Variants in POLE observed in about 807,000 individuals in gnomAD.
POLE encodes DNA polymerase epsilon, catalytic subunit, also known as DNA polymerase epsilon catalytic subunit A.
Under a neutral mutation model 279.2 loss-of-function variants are expected in POLE, and 188 were observed. The observed-to-expected ratio is 0.67, with a 90% CI of 0.60 to 0.76. The LOEUF (loss-of-function observed/expected upper bound fraction) is 0.76, where lower values mean the gene tolerates loss of function less well. Among genes scored for constraint, POLE ranks in the 30% least tolerant of loss-of-function variants. POLE has a pLI of 0.00. For missense variants in POLE, 2,703 were observed against 3,016.7 expected (o/e 0.90, Z 2.44); for synonymous variants, 1,214 against 1,172.5 (o/e 1.04, Z -0.72).
intron 29 of POLE, among the ~76,000 whole-genome samples, chr12:132,653,140 G>T (rs192176849): frequency 8.0e-4 from 122 of 152,302 alleles, no homozygotes; most frequent in East Asian, 2.5e-3. Flanking sequence ...AGTGCTTTGG[G>T]GGGGGCCCAG....
At chr12:132,648,743 G>A (rs2042344258) in intron 32 of POLE, 186 bp downstream of exon 32, 4 of 600,104 alleles carry the variant, frequency 6.7e-6, no homozygotes, top group Non-Finnish European at 1.1e-5. Context: ...GACACCAGCA[G>A]CTCCATTCCC....
Position 132,632,501 on chromosome 12 carries a change from G to T in POLE, c.6144C>A (p.Ile2048=), listed in dbSNP as rs761134391. The T allele has an allele frequency of 3.7e-6, 6 of 1,613,918 alleles. No homozygotes were observed. Among genetic ancestry groups the T allele is most frequent in the Non-Finnish European group, 5.1e-6 (6 of 1,179,818 alleles). ...TTGCGACATAATCCTGAGAGAAGGT[G>T]ATCATTCCTGGAAGTATAAGGATGC... ...EGAVGALPGM[I]TFSQDYVANE... Residue 2048 remains isoleucine (I), a synonymous_variant, in exon 45 of 49, where the codon ATC becomes ATA. Transcript: ENST00000320574.
chr12:132,669,238 G>C (rs754581718), intron 16 of POLE, among the ~76,000 whole-genome samples: 1 of 152,122 alleles, frequency 6.6e-6, no homozygotes, highest in Non-Finnish European at 1.5e-5. Context: ...ACCGAGGCCA[G>C]AGGATCACTT....
At chr12:132,665,207 G>T in intron 21 of POLE, 95 bp downstream of exon 21, 1 of 1,258,056 alleles carries the variant, frequency 7.9e-7, no homozygotes, top group Non-Finnish European at 1.1e-6. Context: ...TCAGATGAAC[G>T]GCCCTCCATG....
At chr12:132,676,699 T>A in intron 8 of POLE, 46 bp from the exon 9 acceptor site, 1 of 1,219,716 alleles carries the variant, frequency 8.2e-7, no homozygotes, top group Non-Finnish European at 1.2e-6. Flanking sequence ...AACTCCCCAT[T>A]AGGCCTCCCT....
rs1555301127 is a variant in POLE at position 132,625,789 on chromosome 12, C to CGA, written c.6532-21_6532-20dup. ...CCCCATCCTAGGCAGAGCAAGAGTG[C>CGA]GAGAGGTCACCAGCCCAGCCTCCAG... On this transcript the variant is annotated intron_variant, in intron 46 of 48. Coordinates refer to ENST00000320574, the MANE Select transcript of POLE (RefSeq NM_006231.4). 6.2e-7 allele frequency: 1 copy of CGA among 1,604,944 alleles called. No individual in the cohort carries two copies. The highest frequency in any genetic ancestry group is 8.5e-7 in the Non-Finnish European group (1 of 1,178,528).
Position 132,665,289 on chromosome 12 carries a change from C to A in POLE, c.2468+13G>T, listed in dbSNP as rs773637880. 6.2e-7 allele frequency: 1 copy of A among 1,610,666 alleles called. No homozygotes were observed. The highest frequency in any genetic ancestry group is 8.5e-7 in the Non-Finnish European group (1 of 1,177,420). The stretch of plus-strand genomic sequence containing the variant: ...TCCTCCCATAAGCCTCTCCCGGGCC[C>A]GGGCCCACCTACCCCTTGCGCATGA... On this transcript the variant is annotated intron_variant, in intron 21 of 48. Coordinates refer to ENST00000320574, the MANE Select transcript of POLE (RefSeq NM_006231.4).
In POLE at chr12:132,632,783, G is replaced by A. The variant is rs746545942; in HGVS notation, c.6017C>T (p.Ala2006Val). ...FLMIVSAYIV[A>V]VYHCMKDGLR... is the part of the protein sequence containing the mutation. ...CCCGTCCTTCATGCAGTGGTACACG[G>A]CCACGATGTACGCTGTGGAGAGGCA... The change falls in exon 44 of 49, where the codon GCC becomes GTC. Residue 2006 changes from alanine to valine, a missense_variant. Physicochemically the swap from Ala to Val is moderately conservative, Grantham distance 64. Transcript: ENST00000320574. 1.8e-5 allele frequency: 29 copies of A among 1,608,660 alleles called. No individual in the cohort carries two copies. The South Asian group carries it at 2.7e-4, about 15-fold the overall frequency.
intron 42 of POLE, among the ~76,000 whole-genome samples, chr12:132,635,043 A>C (rs562434810): frequency 6.6e-6 from 1 of 152,198 alleles, no homozygotes; most frequent in Admixed American, 6.5e-5. Flanking sequence ...CTGACATCTG[A>C]GCCCCTGGCT....
At chr12:132,685,618 G>C (rs1327565143) in intron 1 of POLE, among the ~76,000 whole-genome samples, 1 of 152,238 alleles carries the variant, frequency 6.6e-6, no homozygotes, top group Non-Finnish European at 1.5e-5. Context: ...CACTGAGCTT[G>C]GGGCAGGGCA....
chr12:132,677,046 C>G lies in POLE; in HGVS notation c.801+317G>C, dbSNP rs145170647. On this transcript the variant is annotated intron_variant, in intron 8 of 48. Transcript: ENST00000320574. Reference sequence around the variant, plus strand: ...CAACACCACAAAGTCATGTTTGAACCAAGGCCTTCTAGTTACAAATCCATT... The same window carrying G: ...CAACACCACAAAGTCATGTTTGAACGAAGGCCTTCTAGTTACAAATCCATT... Among the ~76,000 whole-genome samples the G allele has an allele frequency of 1.6e-3, 241 of 152,276 alleles. 2 individuals are homozygous for G. Among genetic ancestry groups the G allele is most frequent in the Middle Eastern group, 0.014 (4 of 294 alleles).
rs142196181 is a variant in POLE, at chr12:132,665,381, T to A, written c.2389A>T (p.Met797Leu). The A allele has an allele frequency of 4.3e-6, 7 of 1,613,836 alleles. No individual in the cohort carries two copies. Among genetic ancestry groups the A allele is most frequent in the Non-Finnish European group, 5.9e-6 (7 of 1,180,030 alleles). ...DAAEVKRCKNMEVLYDSLQLA... is the reference protein window; with the variant it reads ...DAAEVKRCKNLEVLYDSLQLA... ...TGCAGCGAGTCATACAGCACCTCCA[T>A]GTTCTTGCAGCGCTTCACCTCAGCC... is the stretch of plus-strand genomic sequence containing the variant. Residue 797 changes from methionine to leucine, a missense_variant, in exon 21 of 49, where the codon ATG becomes TTG. Met to Leu is a conservative substitution (Grantham distance 15). Coordinates refer to ENST00000320574, the MANE Select transcript of POLE (RefSeq NM_006231.4).
intron 1 of POLE, among the ~76,000 whole-genome samples, chr12:132,683,266 G>T (rs1194240926): frequency 1.3e-5 from 2 of 152,126 alleles, no homozygotes; most frequent in Non-Finnish European, 2.9e-5. Flanking sequence ...GTAATCACAA[G>T]AATCCTTGTA....
Position 132,675,645 on chromosome 12 carries a change from C to G in POLE, c.1106+90G>C. 6.4e-7 allele frequency: 1 copy of G among 1,571,708 alleles called. No individual in the cohort carries two copies. The highest frequency in any genetic ancestry group is 8.7e-7 in the Non-Finnish European group (1 of 1,144,724). On this transcript the variant is annotated intron_variant, in intron 11 of 48. Coordinates refer to ENST00000320574, the MANE Select transcript of POLE (RefSeq NM_006231.4). This position sits in a 1 kb window ranked among gnomAD's most constrained non-coding sequence, Gnocchi z 4.3. ...TGCAGAGTGAACCCAGGAGCCACCT[C>G]CTAAGTCGACATGGGAAGCGCCCCT...
intron 41 of POLE, among the ~76,000 whole-genome samples, chr12:132,636,830 TCA>T (rs545783390): frequency 7.9e-4 from 120 of 152,300 alleles, no homozygotes; most frequent in African/African-American, 2.6e-3. Flanking sequence ...ACATCCTAAA[TCA>T]CAGTTTCAAA....
At chr12:132,631,143 A>G (rs1338138670) in intron 45 of POLE, among the ~76,000 whole-genome samples, 1 of 152,232 alleles carries the variant, frequency 6.6e-6, no homozygotes, top group Non-Finnish European at 1.5e-5. Flanking sequence ...TCTGATACAC[A>G]CGAGCGCGTG....
chr12:132,643,285 T>C lies in POLE; in HGVS notation c.4490A>G (p.Lys1497Arg), dbSNP rs557957962. ...GGGGATGAAGATCCCGAAGAGCGCT[T>C]TGTGGGCCTGTGCGTGGTGGTACAG... The part of the protein sequence containing the change: ...IYLYHHAQAH[K>R]ALFGIFIPSQ... The change falls in exon 35 of 49, where the codon AAA becomes AGA. Residue 1497 changes from lysine (K) to arginine (R), a missense_variant. Physicochemically the swap from Lys to Arg is conservative, Grantham distance 26. This residue lies in a region of POLE where 1,551 missense variants were observed against 1,686.1 expected (regional missense o/e 0.92). Coordinates refer to ENST00000320574, the MANE Select transcript of POLE (RefSeq NM_006231.4). 1.2e-5 allele frequency: 20 copies of C among 1,613,938 alleles called. No individual in the cohort carries two copies. The East Asian group carries it at 4.2e-4, about 34-fold the overall frequency.
Position 132,649,405 on chromosome 12 carries a change from G to C in POLE, c.3906C>G (p.Leu1302=), listed in dbSNP as rs760222689. The change falls in exon 31 of 49, where the codon CTC becomes CTG. Residue 1302 remains leucine, a synonymous_variant. Coordinates refer to ENST00000320574, the MANE Select transcript of POLE (RefSeq NM_006231.4). ...GACCATCCCGGATGGCCCCGGGCCTGAGCACACCCTCTGCCGACTCCAGAC... is the reference window on the plus strand; with the variant it reads ...GACCATCCCGGATGGCCCCGGGCCTCAGCACACCCTCTGCCGACTCCAGAC... ...RQRLESAEGV[L]RPGAIRDGPA... 4 of 1,613,256 alleles carry C rather than the reference G, an allele frequency of 2.5e-6. No homozygotes were observed. Among genetic ancestry groups the C allele is most frequent in the Non-Finnish European group, 3.4e-6 (4 of 1,180,034 alleles).
chr12:132,665,469 T>C lies in POLE; in HGVS notation c.2320-19A>G, dbSNP rs771830251. 5.0e-6 allele frequency: 8 copies of C among 1,596,232 alleles called. No homozygotes were observed. Among genetic ancestry groups the C allele is most frequent in the South Asian group, 3.3e-5 (3 of 90,800 alleles). Reference sequence around the variant, plus strand: ...TCCACACCTGAGAAGCACATGAACATGGAGCACCTCACAGATTCTTCCATT... The same window carrying C: ...TCCACACCTGAGAAGCACATGAACACGGAGCACCTCACAGATTCTTCCATT... On this transcript the variant is annotated intron_variant, in intron 20 of 48. Transcript: ENST00000320574.
Sources: gnomAD v4.1 joint callset for allele counts (sites outside exome capture counted in the v4.1 genomes callset) on GRCh38, gnomAD v4.1.1 for gene constraint, gnomAD v4.1.1 regional missense constraint, Gnocchi (gnomAD v3.1) non-coding constraint, MANE v1.5 for transcripts, NCBI Gene and HGNC (gene_info 2026-07-23, HGNC 2026-07-21) for gene names.